Variants in SNTG2 observed in about 807,000 individuals in gnomAD.
SNTG2 encodes gamma-2-syntrophin.
A neutral mutation model predicts 70.9 loss-of-function variants in SNTG2; 74 were observed. The ratio of observed to expected loss-of-function variants is 1.04; its 90% CI spans 0.86 to 1.27. SNTG2 has a LOEUF of 1.27. SNTG2 is among the 50% of genes most tolerant of loss of function. The probability of loss-of-function intolerance (pLI) is 0.00; values close to 1 mark genes in which losing one functional copy is unlikely to be tolerated. For missense variants in SNTG2, 717 were observed against 690.7 expected, an observed-to-expected ratio of 1.04 and a Z score of -0.43; for synonymous variants, 278 against 273.8, an observed-to-expected ratio of 1.02 and a Z score of -0.15.
chr2:1,216,818 G>A (rs1199264336), intron 9 of SNTG2, among the ~76,000 whole-genome samples: 3 of 152,194 alleles, frequency 2.0e-5, no homozygotes, highest in Non-Finnish European at 4.4e-5. Flanking sequence ...GACCTGGTGG[G>A]AGATGATTGG....
chr2:1,142,635 G>A (rs1388545678), intron 6 of SNTG2, among the ~76,000 whole-genome samples: 1 of 152,172 alleles, frequency 6.6e-6, no homozygotes, highest in East Asian at 1.9e-4. Context: ...ACCACACTTA[G>A]TGTGGCCACT....
Position 1,151,118 on chromosome 2 carries a change from A to G in SNTG2, c.411+13309A>G, listed in dbSNP as rs912411354. On this transcript the variant is annotated intron_variant, in intron 6 of 16. Transcript: ENST00000308624. The stretch of plus-strand genomic sequence containing the variant: ...TGACGAACAGTGGAAAGTATCAGTG[A>G]AAGTGCATGATTTTGGAAGAAACAA... 3.9e-5 allele frequency among the ~76,000 whole-genome samples: 6 copies of G among 152,230 alleles called. No individual in the cohort carries two copies. In the East Asian group the frequency reaches 1.2e-3, roughly 29 times the overall value.
intron 1 of SNTG2, among the ~76,000 whole-genome samples, chr2:986,232 C>T (rs760712801): frequency 6.6e-6 from 1 of 152,164 alleles, no homozygotes; most frequent in African/African-American, 2.4e-5. Flanking sequence ...CCCCTGTACT[C>T]TCATGGCCTG....
chr2:1,173,077 C>G lies in SNTG2; in HGVS notation c.500-15C>G. The G allele has an allele frequency of 6.2e-7, 1 of 1,612,500 alleles. No homozygotes were observed. The highest frequency in any genetic ancestry group is 8.5e-7 in the Non-Finnish European group (1 of 1,178,876). ...GTGGCACCAATTGGAAGGGACTTCT[C>G]TTGTTTTGCTGCAGGGTCCCCAGGG... On this transcript the variant is annotated splice_polypyrimidine_tract_variant and intron_variant, in intron 7 of 16. Coordinates refer to ENST00000308624, the MANE Select transcript of SNTG2 (RefSeq NM_018968.4).
At chr2:1,155,730 C>T (rs979930235) in intron 6 of SNTG2, among the ~76,000 whole-genome samples, 2 of 152,132 alleles carry the variant, frequency 1.3e-5, no homozygotes, top group African/African-American at 4.8e-5. Flanking sequence ...CAATCACCCC[C>T]AAGCTTGGGG....
chr2:1,056,247 G>A (rs1387792076), intron 1 of SNTG2, among the ~76,000 whole-genome samples: 33 of 115,268 alleles, frequency 2.9e-4, no homozygotes, highest in Non-Finnish European at 5.8e-4. Flanking sequence ...GGGAGAGGCC[G>A]CACTGTGCTG....
At chr2:1,212,892 A>G (rs960326582) in intron 9 of SNTG2, among the ~76,000 whole-genome samples, 4 of 152,204 alleles carry the variant, frequency 2.6e-5, no homozygotes, top group South Asian at 2.1e-4. Flanking sequence ...GAAATTGTCA[A>G]TTCTAAATCA....
chr2:1,268,651 G>C (rs868354541), intron 14 of SNTG2, among the ~76,000 whole-genome samples: 1 of 152,140 alleles, frequency 6.6e-6, no homozygotes, highest in African/African-American at 2.4e-5. Flanking sequence ...AACCATTATA[G>C]AACATTACAT....
At chr2:1,254,241 G>A (rs114142011) in intron 12 of SNTG2, among the ~76,000 whole-genome samples, 1,845 of 152,242 alleles carry the variant, frequency 0.012, 24 homozygotes, top group African/African-American at 0.042. Flanking sequence ...CCACCCTGGT[G>A]GGTCCCTAAT....
At chr2:1,025,858 TAGAC>T (rs1660454275) in intron 1 of SNTG2, among the ~76,000 whole-genome samples, 1 of 152,218 alleles carries the variant, frequency 6.6e-6, no homozygotes, top group Non-Finnish European at 1.5e-5. Flanking sequence ...TTGCCTAACA[TAGAC>T]AGCATCATTC....
chr2:1,174,644 T>G (rs1035126172), intron 8 of SNTG2, among the ~76,000 whole-genome samples: 6 of 152,232 alleles, frequency 3.9e-5, no homozygotes, highest in African/African-American at 1.4e-4. Context: ...GCAGTTTATA[T>G]TCACACAGCT....
At chr2:1,029,011 C>T (rs765533740) in intron 1 of SNTG2, among the ~76,000 whole-genome samples, 4 of 152,134 alleles carry the variant, frequency 2.6e-5, no homozygotes, top group African/African-American at 4.8e-5. Flanking sequence ...ACCTTCTGTC[C>T]AGGCTGGAGT....
chr2:1,148,313 C>T (rs1276613739), intron 6 of SNTG2, among the ~76,000 whole-genome samples: 1 of 152,178 alleles, frequency 6.6e-6, no homozygotes, highest in Non-Finnish European at 1.5e-5. Context: ...CTCCTTATTT[C>T]TCACATGGAG....
chr2:1,231,306 A>G (rs376587012), intron 9 of SNTG2, among the ~76,000 whole-genome samples: 430 of 123,158 alleles, frequency 3.5e-3, no homozygotes, highest in Middle Eastern at 0.033. Flanking sequence ...GATAATGACA[A>G]TGCCTCTTCC....
At chr2:1,230,413 A>G (rs965181548) in intron 9 of SNTG2, among the ~76,000 whole-genome samples, 3 of 152,154 alleles carry the variant, frequency 2.0e-5, no homozygotes, top group African/African-American at 7.2e-5. Context: ...AGCCGAGAAG[A>G]TTTCGGGACA....
At chr2:1,290,416 G>A (rs889096959) in intron 14 of SNTG2, among the ~76,000 whole-genome samples, 1 of 151,592 alleles carries the variant, frequency 6.6e-6, no homozygotes, top group African/African-American at 2.4e-5. Context: ...CCAGGTTCCA[G>A]CAATTCTTCT....
chr2:1,020,228 T>A (rs1660087541), intron 1 of SNTG2, among the ~76,000 whole-genome samples: 1 of 152,138 alleles, frequency 6.6e-6, no homozygotes, highest in Non-Finnish European at 1.5e-5. Context: ...AGACGTGGGG[T>A]GGATGGTGGA....
At chr2:1,265,273 G>A (rs546270040) in intron 13 of SNTG2, among the ~76,000 whole-genome samples, 7 of 152,178 alleles carry the variant, frequency 4.6e-5, no homozygotes, top group Non-Finnish European at 2.9e-5. Flanking sequence ...GAGGGCCCCA[G>A]AATTAAAGTG....
intron 14 of SNTG2, among the ~76,000 whole-genome samples, chr2:1,302,274 A>G (rs1231598589): frequency 6.6e-6 from 1 of 152,106 alleles, no homozygotes; most frequent in Non-Finnish European, 1.5e-5. Flanking sequence ...TTACTAAATT[A>G]TGTTTTATGG....
Sources: allele counts gnomAD v4.1 joint callset (sites outside exome capture counted in the v4.1 genomes callset), GRCh38; gene constraint gnomAD v4.1.1; transcripts MANE v1.5; gene names NCBI Gene and HGNC (gene_info 2026-07-23, HGNC 2026-07-21).